The following SIPA1L1 variants were observed in gnomAD, a reference collection of about 807,000 sequenced individuals.
SIPA1L1 encodes signal induced proliferation associated 1 like 1, also known as signal-induced proliferation-associated 1-like protein 1.
SIPA1L1 carries 26 observed loss-of-function variants against 162.7 expected under a neutral mutation model. That is an observed-to-expected ratio of 0.16 (90% CI 0.12 to 0.22). The LOEUF is 0.22. SIPA1L1 is among the 10% of genes least tolerant of loss of function. The probability of loss-of-function intolerance (pLI) is 1.00; values close to 1 mark genes in which losing one functional copy is unlikely to be tolerated. For missense variants in SIPA1L1, 1,874 were observed against 2,241.0 expected (o/e 0.84, Z 3.31); for synonymous variants, 829 against 837.4 (o/e 0.99, Z 0.17).
At chr14:71,601,229 T>A (rs1271628050) in intron 5 of SIPA1L1, among the ~76,000 whole-genome samples, 1 of 152,186 alleles carries the variant, frequency 6.6e-6, no homozygotes, top group South Asian at 2.1e-4. Context: ...TAGCTGTGGG[T>A]TGGTCATATA....
chr14:71,441,690 C>T (rs1008909169), intron 2 of SIPA1L1, among the ~76,000 whole-genome samples: 2 of 151,960 alleles, frequency 1.3e-5, no homozygotes, highest in Admixed American at 6.6e-5. Context: ...GGTAATTGTT[C>T]GTATACAGTA....
chr14:71,376,986 C>G (rs979125988), intron 2 of SIPA1L1, among the ~76,000 whole-genome samples: 20 of 152,298 alleles, frequency 1.3e-4, no homozygotes, highest in African/African-American at 4.3e-4. Context: ...CCCCACATTT[C>G]CCCCTTTCTA....
At chr14:71,374,655 A>G (rs749438421) in intron 2 of SIPA1L1, among the ~76,000 whole-genome samples, 28 of 147,716 alleles carry the variant, frequency 1.9e-4, no homozygotes, top group Non-Finnish European at 8.9e-5. Flanking sequence ...CCTATGCTGT[A>G]TGCTTCCTGC....
intron 4 of SIPA1L1, among the ~76,000 whole-genome samples, chr14:71,577,257 A>C (rs944599890): frequency 6.6e-6 from 1 of 152,118 alleles, no homozygotes; most frequent in Non-Finnish European, 1.5e-5. Flanking sequence ...TGGACTGCAG[A>C]AGTGGTACAC....
chr14:71,339,799 C>T (rs953216826), intron 2 of SIPA1L1, among the ~76,000 whole-genome samples: 2 of 152,140 alleles, frequency 1.3e-5, no homozygotes, highest in Admixed American at 6.5e-5. Flanking sequence ...TATTGAGTAA[C>T]CACTGTGTCA....
intron 4 of SIPA1L1, among the ~76,000 whole-genome samples, chr14:71,566,976 G>A (rs1440449628): frequency 6.6e-6 from 1 of 152,180 alleles, no homozygotes; most frequent in Non-Finnish European, 1.5e-5. Flanking sequence ...CAGTAACAGT[G>A]AAGAAAAAGA....
chr14:71,378,585 A>T (rs960695311), intron 2 of SIPA1L1, among the ~76,000 whole-genome samples: 1 of 152,166 alleles, frequency 6.6e-6, no homozygotes, highest in African/African-American at 2.4e-5. Context: ...TAAATGTACC[A>T]TGTGCATTTG....
intron 2 of SIPA1L1, among the ~76,000 whole-genome samples, chr14:71,369,842 C>T (rs879260716): frequency 0.01 from 1,551 of 148,748 alleles, 15 homozygotes; most frequent in Middle Eastern, 0.034. Context: ...TTTCATTGAG[C>T]AGTGGTTTGT....
intron 2 of SIPA1L1, among the ~76,000 whole-genome samples, chr14:71,494,523 C>CTTTTTT (rs201797447): frequency 1.6e-5 from 2 of 126,724 alleles, no homozygotes; most frequent in African/African-American, 5.8e-5. Flanking sequence ...CTTTTCTTTT[C>CTTTTTT]TTTTTTTTTT....
intron 5 of SIPA1L1, among the ~76,000 whole-genome samples, chr14:71,616,434 T>A (rs189434365): frequency 5.1e-4 from 78 of 152,288 alleles, no homozygotes; most frequent in Non-Finnish European, 8.1e-4. Context: ...AATTCTTTAG[T>A]TCTGACAGGT....
At chr14:71,701,046 A>G (rs551109774) in intron 14 of SIPA1L1, among the ~76,000 whole-genome samples, 188 of 140,094 alleles carry the variant, frequency 1.3e-3, no homozygotes, top group Non-Finnish European at 2.4e-3. Context: ...TTTTATTAAG[A>G]TAAGTGTTTT....
intron 7 of SIPA1L1, among the ~76,000 whole-genome samples, chr14:71,625,271 G>C (rs2148622233): frequency 6.6e-6 from 1 of 150,906 alleles, no homozygotes; most frequent in African/African-American, 2.4e-5. Flanking sequence ...ATATAATGAA[G>C]CAATAGTTAG....
intron 2 of SIPA1L1, among the ~76,000 whole-genome samples, chr14:71,486,413 G>A (rs1337101709): frequency 6.6e-6 from 1 of 152,224 alleles, no homozygotes; most frequent in East Asian, 1.9e-4. Context: ...TCTGCAAGAG[G>A]AGGGGAAAGG....
intron 2 of SIPA1L1, among the ~76,000 whole-genome samples, chr14:71,387,511 C>G (rs2040431872): frequency 6.6e-6 from 1 of 152,116 alleles, no homozygotes; most frequent in African/African-American, 2.4e-5. Context: ...ATTCAGTAAT[C>G]AAAGACATCA....
rs374764598 is a variant in SIPA1L1, at chr14:71,589,264, A to G, written c.1392A>G (p.Glu464=). The part of the protein sequence containing the change: ...HCTNAGVAVL[E]VPKENLVLHL... Reference sequence around the variant, plus strand: ...CAAATGCAGGAGTGGCAGTACTTGAAGTGCCCAAGGAGAACTTGGTGTTGC... The same window carrying G: ...CAAATGCAGGAGTGGCAGTACTTGAGGTGCCCAAGGAGAACTTGGTGTTGC... The change falls in exon 5 of 24, where the codon GAA becomes GAG. Residue 464 remains glutamate, a synonymous_variant. Coordinates refer to ENST00000381232, the MANE Select transcript of SIPA1L1 (RefSeq NM_001386936.1). 8 of 1,613,962 alleles carry G rather than the reference A, an allele frequency of 5.0e-6. No homozygotes were observed. The highest frequency in any genetic ancestry group is 1.3e-5 in the African/African-American group (1 of 74,932).
rs1250120077 is a variant in SIPA1L1 at position 71,740,948 on chromosome 14, A to G, written c.*1787A>G. On this transcript the variant is annotated 3_prime_UTR_variant, in exon 24 of 24. Transcript: ENST00000381232. ...TTTGTTTGGGGACTTGGGGCAAGCT[A>G]TTTATTAGAGTTTTGCAACAGAGTT... The G allele has an allele frequency of 6.6e-6, 1 of 152,190 alleles. No individual in the cohort carries two copies. Among genetic ancestry groups the G allele is most frequent in the Non-Finnish European group, 1.5e-5 (1 of 68,032 alleles). 9.4% of individuals were successfully genotyped at this position (152,190 alleles called of 1,614,324 possible).
intron 2 of SIPA1L1, among the ~76,000 whole-genome samples, chr14:71,348,680 AACAAAGTGAT>A (rs147383051): frequency 1.4e-3 from 210 of 152,346 alleles, no homozygotes; most frequent in Non-Finnish European, 2.5e-3. Context: ...TAAGCTTTAA[AACAAAGTGAT>A]AACTAAAAAG....
chr14:71,504,198 G>T (rs1352524463), intron 2 of SIPA1L1, among the ~76,000 whole-genome samples: 4 of 152,074 alleles, frequency 2.6e-5, no homozygotes, highest in Non-Finnish European at 4.4e-5. Flanking sequence ...ATGAAAGTAT[G>T]CTGTTTTCAT....
chr14:71,592,299 T>G (rs1241061502), intron 5 of SIPA1L1, among the ~76,000 whole-genome samples: 1 of 152,236 alleles, frequency 6.6e-6, no homozygotes, highest in African/African-American at 2.4e-5. Flanking sequence ...TAACAAAATT[T>G]GGAGCAGAAA....
Sources: allele counts gnomAD v4.1 joint callset (sites outside exome capture counted in the v4.1 genomes callset), GRCh38; gene constraint gnomAD v4.1.1; transcripts MANE v1.5; gene names NCBI Gene and HGNC (gene_info 2026-07-23, HGNC 2026-07-21).